CNTN5: variants seen among roughly 807,000 people sequenced by gnomAD.
CNTN5 encodes the protein contactin-5.
Under a neutral mutation model 129.1 loss-of-function variants are expected in CNTN5, and 77 were observed. The observed-to-expected ratio is 0.60, with a 90% CI of 0.50 to 0.72. The LOEUF is 0.72. Ranked by LOEUF, CNTN5 falls within the 30% of genes least tolerant of loss-of-function variation. The pLI is 0.00. For synonymous variants in CNTN5, 509 were observed against 465.6 expected, an observed-to-expected ratio of 1.09 and a Z score of -1.20; for missense variants, 1,478 against 1,328.8, an observed-to-expected ratio of 1.11 and a Z score of -1.75.
intron 1 of CNTN5, among the ~76,000 whole-genome samples, chr11:99,193,923 G>C (rs1367331990): frequency 6.6e-6 from 1 of 152,090 alleles, no homozygotes; most frequent in South Asian, 2.1e-4. Context: ...AAGAGGTAAA[G>C]AAAACAGATC....
At chr11:100,330,247 G>A (rs985537037) in intron 21 of CNTN5, among the ~76,000 whole-genome samples, 1 of 152,092 alleles carries the variant, frequency 6.6e-6, no homozygotes, top group African/African-American at 2.4e-5. Context: ...TCAAAGACAA[G>A]GCTTTTGAAT....
intron 3 of CNTN5, among the ~76,000 whole-genome samples, chr11:99,761,468 A>C (rs1944579818): frequency 6.6e-6 from 1 of 151,664 alleles, no homozygotes. Context: ...TCGTGTGTCC[A>C]TGTGGTCTCA....
intron 1 of CNTN5, among the ~76,000 whole-genome samples, chr11:99,025,322 T>A (rs536883695): frequency 1.6e-4 from 25 of 152,030 alleles, no homozygotes; most frequent in African/African-American, 5.3e-4. Flanking sequence ...AATAAGCAAT[T>A]GCATTTTAGG....
intron 6 of CNTN5, among the ~76,000 whole-genome samples, chr11:99,850,596 T>C (rs991176463): frequency 1.3e-5 from 2 of 152,182 alleles, no homozygotes; most frequent in African/African-American, 4.8e-5. Context: ...ATATTTAATG[T>C]TTACCTCTTT....
At chr11:99,830,557 G>T (rs536492977) in intron 4 of CNTN5, among the ~76,000 whole-genome samples, 1 of 152,154 alleles carries the variant, frequency 6.6e-6, no homozygotes, top group East Asian at 1.9e-4. Context: ...CACAAAATGT[G>T]ATCTTTTATG....
At chr11:99,063,568 G>T (rs1864977014) in intron 1 of CNTN5, among the ~76,000 whole-genome samples, 2 of 151,744 alleles carry the variant, frequency 1.3e-5, no homozygotes, top group Admixed American at 1.3e-4. Context: ...GAGCATATGT[G>T]TGCCTGCATG....
chr11:99,565,018 A>G (rs575557236), intron 3 of CNTN5, among the ~76,000 whole-genome samples: 1 of 152,292 alleles, frequency 6.6e-6, no homozygotes, highest in East Asian at 1.9e-4. Context: ...AGTATTTAAC[A>G]TTTCAATAAG....
At chr11:99,155,104 C>T (rs866941792) in intron 1 of CNTN5, among the ~76,000 whole-genome samples, 20 of 152,260 alleles carry the variant, frequency 1.3e-4, no homozygotes, top group African/African-American at 4.8e-4. Flanking sequence ...TGCCACTCCT[C>T]AGCTGTTCAG....
At chr11:99,426,974 CA>C (rs1474763674) in intron 2 of CNTN5, among the ~76,000 whole-genome samples, 13 of 152,070 alleles carry the variant, frequency 8.5e-5, no homozygotes, top group African/African-American at 3.1e-4. Flanking sequence ...TTTTACTAAG[CA>C]AATCAGAAAC....
intron 9 of CNTN5, among the ~76,000 whole-genome samples, chr11:100,021,498 T>C (rs207472259): frequency 6.6e-6 from 1 of 152,202 alleles, no homozygotes; most frequent in African/African-American, 2.4e-5. Context: ...CTCTATTATA[T>C]AGTGTACATA....
intron 3 of CNTN5, among the ~76,000 whole-genome samples, chr11:99,770,957 G>A (rs1228073452): frequency 6.6e-6 from 1 of 152,020 alleles, no homozygotes; most frequent in African/African-American, 2.4e-5. Flanking sequence ...CATAAAAACT[G>A]AACACACAAC....
intron 3 of CNTN5, among the ~76,000 whole-genome samples, chr11:99,743,183 A>ATT (rs1565482261): frequency 6.6e-6 from 1 of 152,190 alleles, no homozygotes; most frequent in Non-Finnish European, 1.5e-5. Context: ...TATATCAGGA[A>ATT]TTTGTACATT....
At chr11:99,975,358 A>T (rs537575753) in intron 8 of CNTN5, among the ~76,000 whole-genome samples, 1 of 152,132 alleles carries the variant, frequency 6.6e-6, no homozygotes, top group African/African-American at 2.4e-5. Context: ...GTTTTGACCA[A>T]TTTCTCCCTT....
At chr11:99,132,646 C>A (rs1859004351) in intron 1 of CNTN5, among the ~76,000 whole-genome samples, 1 of 152,052 alleles carries the variant, frequency 6.6e-6, no homozygotes, top group Non-Finnish European at 1.5e-5. Flanking sequence ...AATGAACTCC[C>A]ATTCATAATT....
intron 6 of CNTN5, among the ~76,000 whole-genome samples, chr11:99,910,432 T>G (rs1258006217): frequency 6.6e-6 from 1 of 152,098 alleles, no homozygotes; most frequent in African/African-American, 2.4e-5. Context: ...AATTTAATTT[T>G]TTTCTCAAAA....
At chr11:99,391,988 G>A (rs1235011946) in intron 2 of CNTN5, among the ~76,000 whole-genome samples, 1 of 151,822 alleles carries the variant, frequency 6.6e-6, no homozygotes, top group South Asian at 2.1e-4. Flanking sequence ...GTCATGTAAA[G>A]TAAAATACTC....
intron 13 of CNTN5, among the ~76,000 whole-genome samples, chr11:100,142,958 T>C (rs1946741120): frequency 6.6e-6 from 1 of 152,174 alleles, no homozygotes. Flanking sequence ...CACCAAATTA[T>C]TTAAAATCTT....
intron 20 of CNTN5, among the ~76,000 whole-genome samples, chr11:100,306,620 C>T (rs1037886427): frequency 2.0e-5 from 3 of 151,658 alleles, no homozygotes; most frequent in African/African-American, 7.3e-5. Flanking sequence ...TCAAGTTGTA[C>T]ACACCTCAGA....
chr11:99,704,879 T>C (rs1282765138), intron 3 of CNTN5, among the ~76,000 whole-genome samples: 1 of 151,260 alleles, frequency 6.6e-6, no homozygotes, highest in Non-Finnish European at 1.5e-5. Context: ...GAAGATAGCA[T>C]GTTTATTTTC....
Sources: gnomAD v4.1 joint callset for allele counts (sites outside exome capture counted in the v4.1 genomes callset) on GRCh38, gnomAD v4.1.1 for gene constraint, MANE v1.5 for transcripts, NCBI Gene and HGNC (gene_info 2026-07-23, HGNC 2026-07-21) for gene names.